Variants in MCTP2 observed in about 807,000 individuals in gnomAD.
The protein encoded by MCTP2 is multiple C2 and transmembrane domain containing 2.
A neutral mutation model predicts 111.6 loss-of-function variants in MCTP2; 132 were observed. The ratio of observed to expected loss-of-function variants is 1.18; its 90% CI spans 1.03 to 1.37. The LOEUF (loss-of-function observed/expected upper bound fraction) is 1.37, where lower values mean the gene tolerates loss of function less well. Among genes scored for constraint, MCTP2 ranks in the 40% most tolerant of loss-of-function variants. The probability of loss-of-function intolerance (pLI) is 0.00; values close to 1 mark genes in which losing one functional copy is unlikely to be tolerated. For missense variants in MCTP2, 1,183 were observed against 1,067.9 expected (o/e 1.11, Z -1.50); for synonymous variants, 395 against 387.7 (o/e 1.02, Z -0.22).
At chr15:94,459,080 C>T (rs1354888902) in intron 20 of MCTP2, among the ~76,000 whole-genome samples, 1 of 152,172 alleles carries the variant, frequency 6.6e-6, no homozygotes. Flanking sequence ...ACTTAGTTTT[C>T]ATTTGGCACC....
At chr15:94,249,914 C>T (rs2072290125) in intron 1 of MCTP2, among the ~76,000 whole-genome samples, 1 of 152,094 alleles carries the variant, frequency 6.6e-6, no homozygotes, top group South Asian at 2.1e-4. Flanking sequence ...TGAAAGCACA[C>T]ATACAAAATG....
At chr15:94,308,549 T>A (rs2075987776) in intron 2 of MCTP2, among the ~76,000 whole-genome samples, 1 of 152,230 alleles carries the variant, frequency 6.6e-6, no homozygotes, top group African/African-American at 2.4e-5. Context: ...TTTTAAGAAG[T>A]TACAAGGAGC....
At chr15:94,436,911 C>A (rs1029329383) in intron 17 of MCTP2, among the ~76,000 whole-genome samples, 28 of 151,930 alleles carry the variant, frequency 1.8e-4, no homozygotes. Flanking sequence ...AGGTAACAAA[C>A]AGGAAAATCT....
chr15:94,280,793 GTT>G (rs2074442219), intron 1 of MCTP2, among the ~76,000 whole-genome samples: 4 of 151,954 alleles, frequency 2.6e-5, no homozygotes, highest in Admixed American at 2.6e-4. Context: ...TTGTGTCTTG[GTT>G]TTCATTAGTT....
chr15:94,330,987 G>C (rs2152390089), intron 4 of MCTP2, among the ~76,000 whole-genome samples: 2 of 152,248 alleles, frequency 1.3e-5, no homozygotes, highest in Middle Eastern at 6.8e-3. Flanking sequence ...ACCTGCCTCG[G>C]CCTCCCAAAG....
At chr15:94,305,963 T>A (rs2075860190) in intron 2 of MCTP2, among the ~76,000 whole-genome samples, 1 of 152,234 alleles carries the variant, frequency 6.6e-6, no homozygotes. Context: ...TTAACATGCA[T>A]TGTAAAATCA....
intron 14 of MCTP2, among the ~76,000 whole-genome samples, chr15:94,390,076 A>ATATATATGTG (rs1567602396): frequency 7.1e-4 from 9 of 12,652 alleles, no homozygotes; most frequent in South Asian, 6.3e-3. Flanking sequence ...ATATATATAT[A>ATATATATGTG]TATATATATA....
At chr15:94,440,625 A>G (rs1265633374) in intron 18 of MCTP2, among the ~76,000 whole-genome samples, 8 of 151,976 alleles carry the variant, frequency 5.3e-5, no homozygotes, top group Admixed American at 1.3e-4. Context: ...CTAGCGAGAA[A>G]CCTTTGCTGG....
chr15:94,259,946 T>C (rs1248227410), intron 1 of MCTP2, among the ~76,000 whole-genome samples: 1 of 152,216 alleles, frequency 6.6e-6, no homozygotes, highest in East Asian at 1.9e-4. Context: ...CACATCACCA[T>C]GTAATTGTCC....
intron 4 of MCTP2, among the ~76,000 whole-genome samples, chr15:94,330,990 T>A (rs1351416816): frequency 6.6e-6 from 1 of 152,136 alleles, no homozygotes; most frequent in East Asian, 1.9e-4. Context: ...TGCCTCGGCC[T>A]CCCAAAGTGC....
chr15:94,339,603 TTCAA>T (rs1158540971), intron 5 of MCTP2, among the ~76,000 whole-genome samples, 171 bp downstream of exon 5: 1 of 152,238 alleles, frequency 6.6e-6, no homozygotes. Flanking sequence ...TATGTTTCTC[TTCAA>T]TCAATGAGAT....
chr15:94,389,172 G>A (rs12591685), intron 14 of MCTP2, among the ~76,000 whole-genome samples: 57,888 of 151,838 alleles, frequency 0.38, 12,392 homozygotes, highest in Non-Finnish European at 0.49. Context: ...TGGGTCAGGG[G>A]TGAGTGGCGT....
chr15:94,480,983 G>A lies in MCTP2; in HGVS notation c.*1949G>A, dbSNP rs1415261208. 6.6e-6 allele frequency: 1 copy of A among 152,112 alleles called. No homozygotes were observed. The highest frequency in any genetic ancestry group is 1.5e-5 in the Non-Finnish European group (1 of 67,980). 9.4% of individuals were successfully genotyped at this position (152,112 alleles called of 1,614,324 possible). A position where few individuals can be genotyped will look rare whatever the true frequency, so the allele number is the denominator to read the frequency against. On this transcript the variant is annotated 3_prime_UTR_variant, in exon 23 of 23. Coordinates refer to ENST00000357742, the MANE Select transcript of MCTP2 (RefSeq NM_001385001.1). ...AATAAACTGTATATAGAAAACAATT[G>A]TTAGTTGATTAAGTAGACATTGGAT...
intron 4 of MCTP2, among the ~76,000 whole-genome samples, chr15:94,318,799 G>A (rs973842983): frequency 9.9e-5 from 15 of 152,132 alleles, no homozygotes. Flanking sequence ...TGATACAATA[G>A]GGCTTATGTG....
intron 17 of MCTP2, chr15:94,402,435 T>C: frequency 6.5e-7 from 1 of 1,542,606 alleles, no homozygotes; most frequent in Non-Finnish European, 8.7e-7. Context: ...TGTTTATTCA[T>C]TTCAAGCCAG....
At chr15:94,364,536 G>A (rs111308501) in intron 10 of MCTP2, among the ~76,000 whole-genome samples, 1 of 152,090 alleles carries the variant, frequency 6.6e-6, no homozygotes, top group African/African-American at 2.4e-5. Context: ...TCGTGTTAAA[G>A]GTGTCTTTGA....
chr15:94,269,758 T>A (rs2073807292), intron 1 of MCTP2, among the ~76,000 whole-genome samples: 1 of 152,308 alleles, frequency 6.6e-6, no homozygotes, highest in African/African-American at 2.4e-5. Context: ...TCACAGAAAG[T>A]TGTTTTATTA....
intron 1 of MCTP2, among the ~76,000 whole-genome samples, chr15:94,290,167 C>G (rs2074967983): frequency 6.6e-6 from 1 of 151,798 alleles, no homozygotes. Context: ...AAAAAAAATG[C>G]ATTCTTGTCA....
At chr15:94,343,162 G>A (rs2077758057) in intron 7 of MCTP2, 1 of 151,654 alleles carries the variant, frequency 6.6e-6, no homozygotes, top group South Asian at 2.1e-4. Context: ...ATTAATTGAG[G>A]AATAATTTAT....
Sources: allele counts gnomAD v4.1 joint callset (sites outside exome capture counted in the v4.1 genomes callset), GRCh38; gene constraint gnomAD v4.1.1; transcripts MANE v1.5; gene names NCBI Gene and HGNC (gene_info 2026-07-23, HGNC 2026-07-21).